COP1: variants seen among roughly 807,000 people sequenced by gnomAD.
COP1 encodes E3 ubiquitin-protein ligase COP1.
In COP1, 24 loss-of-function variants were observed where a neutral mutation model predicts 101.3. The observed-to-expected ratio is 0.24, with a 90% confidence interval of 0.17 to 0.33. The LOEUF is 0.33. COP1 is among the 10% of genes least tolerant of loss of function. COP1 has a pLI of 1.00. For synonymous variants in COP1, 347 were observed against 341.9 expected (o/e 1.01, Z -0.17); for missense variants, 663 against 906.2 (o/e 0.73, Z 3.45).
chr1:176,050,333 T>C (rs1466594985), intron 11 of COP1, among the ~76,000 whole-genome samples: 3 of 152,186 alleles, frequency 2.0e-5, no homozygotes, highest in African/African-American at 7.2e-5. Flanking sequence ...GCCAGTACAA[T>C]GCGGCACAAA....
chr1:176,194,106 T>C (rs1027151861), intron 1 of COP1, among the ~76,000 whole-genome samples: 1 of 152,134 alleles, frequency 6.6e-6, no homozygotes, highest in African/African-American at 2.4e-5. Context: ...ATCAGTATTG[T>C]AAACCTCAGA....
intron 18 of COP1, among the ~76,000 whole-genome samples, chr1:175,975,364 C>A (rs1296285394): frequency 6.6e-6 from 1 of 152,106 alleles, no homozygotes; most frequent in Non-Finnish European, 1.5e-5. Context: ...AAACCAAAAG[C>A]CAGAACCCAC....
chr1:176,100,723 C>T (rs1045093241), intron 9 of COP1, among the ~76,000 whole-genome samples: 2 of 152,026 alleles, frequency 1.3e-5, no homozygotes, highest in Non-Finnish European at 1.5e-5. Flanking sequence ...AACTATGCAC[C>T]CAAATCTTAG....
chr1:176,155,208 A>G (rs1693262647), intron 5 of COP1, among the ~76,000 whole-genome samples: 1 of 152,146 alleles, frequency 6.6e-6, no homozygotes, highest in African/African-American at 2.4e-5. Flanking sequence ...AATGCGTACT[A>G]TTCTTTAAAG....
At chr1:176,137,245 G>A (rs555466800) in intron 6 of COP1, among the ~76,000 whole-genome samples, 2 of 152,198 alleles carry the variant, frequency 1.3e-5, no homozygotes, top group African/African-American at 2.4e-5. Flanking sequence ...CATTGTAACT[G>A]TTGAATAACA....
intron 18 of COP1, among the ~76,000 whole-genome samples, 158 bp downstream of exon 18, chr1:175,986,785 A>T (rs1657228882): frequency 6.6e-6 from 1 of 152,220 alleles, no homozygotes; most frequent in Non-Finnish European, 1.5e-5. Context: ...CATTTCAATC[A>T]CTACCTAAAA....
At chr1:176,026,799 A>G (rs1198064932) in intron 15 of COP1, among the ~76,000 whole-genome samples, 1 of 152,158 alleles carries the variant, frequency 6.6e-6, no homozygotes, top group Non-Finnish European at 1.5e-5. Flanking sequence ...TTATTAATAA[A>G]AAATAAGACT....
intron 2 of COP1, among the ~76,000 whole-genome samples, chr1:176,180,028 G>A (rs946500525): frequency 2.6e-5 from 4 of 152,068 alleles, no homozygotes; most frequent in East Asian, 1.9e-4. Flanking sequence ...TGCATCGAGC[G>A]TATCTTAGAG....
chr1:176,133,739 A>T, intron 8 of COP1: 1 of 365,904 alleles, frequency 2.7e-6, no homozygotes, highest in Non-Finnish European at 5.4e-6. Context: ...CAATATATAC[A>T]AAAAAAATTT....
intron 6 of COP1, among the ~76,000 whole-genome samples, chr1:176,143,123 C>CGAGAGAGAGAGAA (rs1690974137): frequency 6.8e-6 from 1 of 146,724 alleles, no homozygotes; most frequent in African/African-American, 2.6e-5. Context: ...ACAGAACAAG[C>CGAGAGAGAGAGAA]GAGAGAGAGA....
rs147759856 is a variant in COP1, at chr1:176,202,008, A to C, written c.407+4564T>G. ...TATATTTATAAGCTCACAATGGTCT[A>C]AAAAGAAAAGTCACTTAAACTTTCC... On this transcript the variant is annotated intron_variant, in intron 1 of 19. Transcript: ENST00000367669. 2.6e-3 allele frequency among the ~76,000 whole-genome samples: 399 copies of C among 152,290 alleles called. 3 individuals carry two copies. The highest frequency in any genetic ancestry group is 9.2e-3 in the African/African-American group (381 of 41,564).
intron 1 of COP1, among the ~76,000 whole-genome samples, chr1:176,206,136 T>C (rs189439474): frequency 7.9e-4 from 120 of 152,310 alleles, no homozygotes; most frequent in Non-Finnish European, 1.5e-3. Flanking sequence ...CCCCTCTGCA[T>C]CCGAGGAAGC....
intron 9 of COP1, among the ~76,000 whole-genome samples, chr1:176,092,754 G>A (rs1014676660): frequency 6.6e-6 from 1 of 152,136 alleles, no homozygotes; most frequent in African/African-American, 2.4e-5. Flanking sequence ...CATGTAGTGG[G>A]AGTTTTAAAT....
At chr1:176,181,573 T>C (rs1697762952) in intron 2 of COP1, among the ~76,000 whole-genome samples, 1 of 152,116 alleles carries the variant, frequency 6.6e-6, no homozygotes, top group African/African-American at 2.4e-5. Context: ...CTGGGCGCAG[T>C]GGCTCACGCT....
At chr1:176,017,725 A>G (rs1310534905) in intron 15 of COP1, among the ~76,000 whole-genome samples, 1 of 152,126 alleles carries the variant, frequency 6.6e-6, no homozygotes, top group Non-Finnish European at 1.5e-5. Context: ...AAGTTTCGCC[A>G]TGTTGGCCAG....
At chr1:175,955,766 C>CCACACACACACACACACACACACA (rs60306255) in intron 18 of COP1, among the ~76,000 whole-genome samples, 1,469 of 129,232 alleles carry the variant, frequency 0.011, 40 homozygotes, top group East Asian at 0.027. Context: ...TAGAGACAAA[C>CCACACACACACACACACACACACA]CACACACACA....
At chr1:176,107,850 G>A (rs1287746094) in intron 9 of COP1, among the ~76,000 whole-genome samples, 1 of 152,100 alleles carries the variant, frequency 6.6e-6, no homozygotes, top group Non-Finnish European at 1.5e-5. Context: ...GACGAAAATA[G>A]ATAATCTGAA....
chr1:176,141,449 C>T (rs560687171), intron 6 of COP1, among the ~76,000 whole-genome samples: 24 of 152,138 alleles, frequency 1.6e-4, no homozygotes, highest in Admixed American at 1.2e-3. Flanking sequence ...TGCAGTGAGG[C>T]GAGATAGTGC....
At chr1:176,138,176 C>T (rs565653791) in intron 6 of COP1, among the ~76,000 whole-genome samples, 5 of 151,708 alleles carry the variant, frequency 3.3e-5, no homozygotes, top group Non-Finnish European at 7.4e-5. Context: ...ATAACATATG[C>T]GAAGGTACAA....
Sources: allele counts gnomAD v4.1 joint callset (sites outside exome capture counted in the v4.1 genomes callset), GRCh38; gene constraint gnomAD v4.1.1; transcripts MANE v1.5; gene names NCBI Gene and HGNC (gene_info 2026-07-23, HGNC 2026-07-21).